Variants in HP observed in about 807,000 individuals in gnomAD.
HP encodes the protein haptoglobin alpha(1S)-beta.
Under a neutral mutation model 23.2 loss-of-function variants are expected in HP, and 9 were observed. The observed-to-expected ratio is 0.39, with a 90% CI of 0.23 to 0.68. The LOEUF (loss-of-function observed/expected upper bound fraction) is 0.68. Among genes scored for constraint, HP ranks in the 30% least tolerant of loss-of-function variants. The pLI is 0.47. For missense variants in HP, 433 were observed against 483.6 expected (o/e 0.90, Z 0.98); for synonymous variants, 155 against 183.3 (o/e 0.85, Z 1.25).
intron 1 of HP, chr16:72,054,948 C>T: frequency 3.4e-6 from 2 of 583,826 alleles, no homozygotes; most frequent in Admixed American, 3.1e-5. Context: ...TTCCTGGCAT[C>T]CTGAGTATAT....
At chr16:72,059,930 T>G in intron 6 of HP, 182 bp from the exon 7 acceptor site, 1 of 1,371,336 alleles carries the variant, frequency 7.3e-7, no homozygotes, top group South Asian at 1.6e-5. Context: ...TGTAAACAAT[T>G]TAAAAAACAG....
chr16:72,055,855 C>A, intron 1 of HP: 1 of 406,608 alleles, frequency 2.5e-6, no homozygotes, highest in Non-Finnish European at 4.7e-6. Context: ...AGAAACTGAG[C>A]CCACCCCTCC....
At chr16:72,057,733 CAG>C (rs1393282500) in intron 4 of HP, 5 of 451,070 alleles carry the variant, frequency 1.1e-5, no homozygotes, top group Admixed American at 4.3e-5. Context: ...CCTGTGCATA[CAG>C]AGAGCCTGCT....
At chr16:72,057,610 G>C (rs1042539982) in intron 4 of HP, 144 bp downstream of exon 4, 3 of 658,126 alleles carry the variant, frequency 4.6e-6, no homozygotes, top group African/African-American at 4.6e-5. Flanking sequence ...TGGCCAGGGA[G>C]AGACTTAAGC....
At position 72,060,130 on chromosome 16, in the gene HP, A is replaced by T; in HGVS notation, c.461A>T (p.Asn154Ile). Residue 154 changes from asparagine to isoleucine, a missense_variant, in exon 7 of 7, where the codon AAT becomes ATT. Transcript: ENST00000355906. The part of the protein sequence containing the change: ...ECEAVCGKPK[N>I]PANPVQRILG... ...TTGACAGTATGTGGGAAGCCCAAGA[A>T]TCCGGCAAACCCAGTGCAGCGGATC... 21 of 1,613,590 alleles carry T rather than the reference A, an allele frequency of 1.3e-5. No individual in the cohort carries two copies. Among genetic ancestry groups the T allele is most frequent in the Non-Finnish European group, 1.7e-5 (20 of 1,179,768 alleles).
chr16:72,055,686 G>A (rs1451807135), intron 1 of HP: 5 of 190,540 alleles, frequency 2.6e-5, no homozygotes, highest in South Asian at 1.1e-4. Flanking sequence ...CTTTTATTAC[G>A]GAAAATATCA....
chr16:72,061,008 C>T lies in HP; in HGVS notation c.*118C>T. The T allele has an allele frequency of 3.4e-6, 4 of 1,185,836 alleles. No homozygotes were observed. The South Asian group carries it at 6.3e-5, about 19-fold the overall frequency. The allele number at this position is 1,185,836 out of a possible 1,614,324, so 73.5% of individuals were successfully genotyped here. A position where few individuals can be genotyped will look rare whatever the true frequency, so the allele number is the denominator to read the frequency against. On this transcript the variant is annotated 3_prime_UTR_variant, in exon 7 of 7. Coordinates refer to ENST00000355906, the MANE Select transcript of HP (RefSeq NM_005143.5). ...GATGTGGTTTGAAGCTGATGGGTGC[C>T]AGCCCTGCATTGCTGAGTCAATCAA... is the stretch of plus-strand genomic sequence containing the variant.
intron 6 of HP, 71 bp downstream of exon 6, chr16:72,059,259 T>A: frequency 6.5e-7 from 1 of 1,542,816 alleles, no homozygotes; most frequent in Non-Finnish European, 8.9e-7. Flanking sequence ...AGCCTTCCAG[T>A]GCGGCTTCCT....
chr16:72,056,063 G>A, intron 1 of HP, 98 bp from the exon 2 acceptor site: 1 of 1,400,836 alleles, frequency 7.1e-7, no homozygotes, highest in Non-Finnish European at 9.9e-7. Flanking sequence ...GTATGCATGT[G>A]TGTGTGTGTG....
rs2041428968 is a variant in HP at position 72,054,606 on chromosome 16, A to C, written c.-47A>C. On this transcript the variant is annotated 5_prime_UTR_variant, in exon 1 of 7. Coordinates refer to ENST00000355906, the MANE Select transcript of HP (RefSeq NM_005143.5). ...GAGCTAGTGGCAGCATAAAAAGACCAGCAGATGCCCCACAGCACTGCTCTT... is the reference window on the plus strand; with the variant it reads ...GAGCTAGTGGCAGCATAAAAAGACCCGCAGATGCCCCACAGCACTGCTCTT... 1 of 1,604,180 alleles carries C rather than the reference A, an allele frequency of 6.2e-7. No homozygotes were observed. Among genetic ancestry groups the C allele is most frequent in the Non-Finnish European group, 8.5e-7 (1 of 1,174,876 alleles).
intron 1 of HP, chr16:72,055,866 A>G (rs1257253986): frequency 9.3e-6 from 4 of 428,382 alleles, no homozygotes; most frequent in Non-Finnish European, 1.8e-5. Context: ...CCACCCCTCC[A>G]CCTATGTGCC....
rs1392044830 is a variant in HP, at chr16:72,060,167, C to T, written c.498C>T (p.His166=). 4.3e-6 allele frequency: 7 copies of T among 1,613,962 alleles called. No individual in the cohort carries two copies. In the South Asian group the frequency reaches 4.4e-5, roughly 10 times the overall value. The change falls in exon 7 of 7, where the codon CAC becomes CAT. Residue 166 remains histidine (H), a synonymous_variant. Transcript: ENST00000355906. ...ANPVQRILGG[H]LDAKGSFPWQ... The stretch of plus-strand genomic sequence containing the variant: ...CAGTGCAGCGGATCCTGGGTGGACA[C>T]CTGGATGCCAAAGGCAGCTTTCCCT...
intron 6 of HP, chr16:72,059,550 G>T (rs2041507285): frequency 3.5e-6 from 1 of 285,622 alleles, no homozygotes; most frequent in South Asian, 4.8e-5. Context: ...CCTAGCAGGA[G>T]GCTGGACATG....
Position 72,056,551 on chromosome 16 carries a change from C to G in HP, c.110C>G (p.Pro37Arg). ...DIADDGCPKPPEIAHGYVEHS... is the reference protein window; with the variant it reads ...DIADDGCPKPREIAHGYVEHS... ...GCAGATGACGGCTGCCCGAAGCCCC[C>G]CGAGATTGCACATGGCTATGTGGAG... Residue 37 changes from proline to arginine, a missense_variant, in exon 3 of 7, where the codon CCC becomes CGC. By Grantham distance (103) the Pro-to-Arg change is moderately radical (BLOSUM62 -2). Coordinates refer to ENST00000355906, the MANE Select transcript of HP (RefSeq NM_005143.5). 3.3e-6 allele frequency: 5 copies of G among 1,495,518 alleles called. No individual in the cohort carries two copies. The highest frequency in any genetic ancestry group is 4.5e-6 in the Non-Finnish European group (5 of 1,107,878). 92.6% of individuals were successfully genotyped at this position (1,495,518 alleles called of 1,614,324 possible).
intron 2 of HP, 64 bp downstream of exon 2, chr16:72,056,307 T>A: frequency 6.3e-7 from 1 of 1,576,070 alleles, no homozygotes; most frequent in South Asian, 1.1e-5. Flanking sequence ...GCACTCTCTC[T>A]GAGAACACCC....
At chr16:72,056,325 C>G (rs879749524) in intron 2 of HP, 82 bp downstream of exon 2, 3 of 1,565,860 alleles carry the variant, frequency 1.9e-6, no homozygotes, top group Non-Finnish European at 2.6e-6. Flanking sequence ...CCCAATTCCC[C>G]CTTCTTATCT....
At chr16:72,057,612 G>C in intron 4 of HP, 146 bp downstream of exon 4, 2 of 669,328 alleles carry the variant, frequency 3.0e-6, no homozygotes, top group Non-Finnish European at 4.9e-6. Flanking sequence ...GCCAGGGAGA[G>C]ACTTAAGCAG....
intron 1 of HP, 71 bp from the exon 2 acceptor site, chr16:72,056,090 T>G (rs2144040715): frequency 6.5e-7 from 1 of 1,536,266 alleles, no homozygotes; most frequent in South Asian, 1.1e-5. Context: ...CATGCATGTG[T>G]GTGTGGATGC....
chr16:72,054,912 G>A, intron 1 of HP: 1 of 697,816 alleles, frequency 1.4e-6, no homozygotes, highest in Non-Finnish European at 2.4e-6. Flanking sequence ...ACTTTATAGG[G>A]TATGTCATCA....
Sources: gnomAD v4.1 joint callset for allele counts on GRCh38, gnomAD v4.1.1 for gene constraint, MANE v1.5 for transcripts, NCBI Gene and HGNC (gene_info 2026-07-23, HGNC 2026-07-21) for gene names.